Variants in CD207 observed in about 807,000 individuals in gnomAD.
The protein encoded by CD207 is CD207 molecule, also known as C-type lectin domain family 4 member K.
CD207 carries 28 observed loss-of-function variants against 31.6 expected under a neutral mutation model. The ratio of observed to expected loss-of-function variants is 0.89; its 90% confidence interval spans 0.66 to 1.21. CD207 has a LOEUF of 1.21. CD207 is among the 50% of genes most tolerant of loss of function. CD207 has a pLI of 0.00. For synonymous variants in CD207, 168 were observed against 153.9 expected (o/e 1.09, Z -0.68); for missense variants, 388 against 397.8 (o/e 0.98, Z 0.21).
At chr2:70,829,596 A>G (rs1553399339), downstream of CD207, among the ~76,000 whole-genome samples, 3 of 152,200 alleles carry the variant, frequency 2.0e-5, no homozygotes, top group Admixed American at 1.3e-4. Context: ...GGGCAAGGAT[A>G]TATCTGGTGA....
rs1376674859 is a variant in CD207, at chr2:70,830,739, G to C, written c.*311C>G. On this transcript the variant is annotated 3_prime_UTR_variant, in exon 6 of 6. Transcript: ENST00000410009. Reference sequence around the variant, plus strand: ...TGATGAAGCTGAGGTTTCTCTGAAAGAGTGGAAAACCCCAGGGTGTTATGC... The same window carrying C: ...TGATGAAGCTGAGGTTTCTCTGAAACAGTGGAAAACCCCAGGGTGTTATGC... 2 of 233,100 alleles carry C rather than the reference G, an allele frequency of 8.6e-6. No homozygotes were observed. Among genetic ancestry groups the C allele is most frequent in the African/African-American group, 4.5e-5 (2 of 44,660 alleles). 14.4% of individuals were successfully genotyped at this position (233,100 alleles called of 1,614,324 possible).
In CD207 at chr2:70,835,550, G is replaced by T. The variant is rs782508063; in HGVS notation, c.131C>A (p.Ala44Asp). Reference protein sequence around the residue: ...LVPGKTPTVRAALICLTLVLV... With the variant: ...LVPGKTPTVRDALICLTLVLV... The stretch of plus-strand genomic sequence containing the variant: ...GACCAGCGTCAGGCAGATTAATGCA[G>T]CACGGACTGTGGGTGTTTTCCCCGG... Residue 44 changes from alanine to aspartate, a missense_variant, in exon 2 of 6, where the codon GCT becomes GAT. Ala to Asp is a moderately radical substitution (Grantham distance 126, BLOSUM62 -2). Transcript: ENST00000410009. The T allele has an allele frequency of 3.1e-6, 5 of 1,614,038 alleles. No individual in the cohort carries two copies. Among genetic ancestry groups the T allele is most frequent in the Non-Finnish European group, 4.2e-6 (5 of 1,179,894 alleles).
At chr2:70,825,658 A>C (rs62152602), downstream of CD207, among the ~76,000 whole-genome samples, 141,620 of 152,184 alleles carry the variant, frequency 0.93, 66,129 homozygotes, top group Non-Finnish European at 0.97. Flanking sequence ...CCCACCTCAG[A>C]CTCTTGATTT....
chr2:70,824,295 T>C, the CD207 span, among the ~76,000 whole-genome samples: 3 of 71,122 alleles, frequency 4.2e-5, no homozygotes, highest in Admixed American at 4.2e-4. Context: ...CCACCTGGCT[T>C]TTATTCCGTT....
At position 70,834,047 on chromosome 2, in the gene CD207, G is replaced by C. The variant is rs1169758785; in HGVS notation, c.191-27C>G. The stretch of plus-strand genomic sequence containing the variant: ...TGGGATTGAGAAAGTCAGGAGGTCA[G>C]CTGAGGGGAGTCCCAGGGACAGGAG... On this transcript the variant is annotated intron_variant, in intron 2 of 5. Coordinates refer to ENST00000410009, the MANE Select transcript of CD207 (RefSeq NM_015717.5). 4 of 1,494,408 alleles carry C rather than the reference G, an allele frequency of 2.7e-6. No individual in the cohort carries two copies. The African/African-American group carries it at 5.6e-5, about 21-fold the overall frequency. 92.6% of individuals were successfully genotyped at this position (1,494,408 alleles called of 1,614,324 possible).
At position 70,831,155 on chromosome 2, in the gene CD207, G is replaced by A. The variant is rs1393933559; in HGVS notation, c.882C>T (p.His294=). The stretch of plus-strand genomic sequence containing the variant: ...GTGAGGGAGCCTTTATATTGCCACA[G>A]TGTTCATTGTTCCCAGCATTGTTGG... ...GEPNNAGNNE[H]CGNIKAPSLQ... Residue 294 remains histidine, a synonymous_variant, in exon 6 of 6, where the codon CAC becomes CAT. Transcript: ENST00000410009. 1.2e-6 allele frequency: 2 copies of A among 1,613,846 alleles called. No individual in the cohort carries two copies. Among genetic ancestry groups the A allele is most frequent in the Non-Finnish European group, 8.5e-7 (1 of 1,179,770 alleles).
At chr2:70,832,150 C>T (rs1298432028) in intron 4 of CD207, among the ~76,000 whole-genome samples, 1 of 152,224 alleles carries the variant, frequency 6.6e-6, no homozygotes, top group Non-Finnish European at 1.5e-5. Flanking sequence ...TAAATGAGCC[C>T]TGAATCCACA....
At chr2:70,824,386 C>CA in the CD207 span, among the ~76,000 whole-genome samples, 2 of 151,156 alleles carry the variant, frequency 1.3e-5, no homozygotes, top group South Asian at 2.1e-4. Context: ...ATGATCTTTT[C>CA]AAAAAAAATT....
chr2:70,830,955 G>T lies in CD207; in HGVS notation c.*95C>A, dbSNP rs116070623. The stretch of plus-strand genomic sequence containing the variant: ...CAATTTTGAAGCAAGAAAAATTAAC[G>T]TGCAAAGTCATCCTGGAGTCTGGGG... On this transcript the variant is annotated 3_prime_UTR_variant, in exon 6 of 6. Transcript: ENST00000410009. The T allele has an allele frequency of 1.2e-3, 1,409 of 1,201,214 alleles. 15 individuals carry two copies. The African/African-American group carries it at 0.019, about 16-fold the overall frequency. The allele number at this position is 1,201,214 out of a possible 1,614,324, so 74.4% of individuals were successfully genotyped here.
At position 70,831,802 on chromosome 2, in the gene CD207, T is replaced by C. The variant is rs2104700371; in HGVS notation, c.735A>G (p.Thr245=). ...SESEQEFLYK[T]AGGLIYWIGL... Reference sequence around the variant, plus strand: ...CAATCCAGTAGATGAGTCCCCCCGCTGTTTTATACAGAAACTCCTGTAGGA... The same window carrying C: ...CAATCCAGTAGATGAGTCCCCCCGCCGTTTTATACAGAAACTCCTGTAGGA... Residue 245 remains threonine, a synonymous_variant, in exon 5 of 6, where the codon ACA becomes ACG. Transcript: ENST00000410009. 8 of 1,609,938 alleles carry C rather than the reference T, an allele frequency of 5.0e-6. No homozygotes were observed. Among genetic ancestry groups the C allele is most frequent in the Non-Finnish European group, 6.0e-6 (7 of 1,176,296 alleles).
intron 2 of CD207, among the ~76,000 whole-genome samples, chr2:70,834,284 A>G (rs1314578354): frequency 1.3e-5 from 2 of 152,110 alleles, no homozygotes; most frequent in Admixed American, 1.3e-4. Flanking sequence ...AAGATTTCAC[A>G]GGCAAGCAGA....
chr2:70,828,453 G>T (rs1294639623), downstream of CD207, among the ~76,000 whole-genome samples: 1 of 152,202 alleles, frequency 6.6e-6, no homozygotes, highest in Non-Finnish European at 1.5e-5. Context: ...ACTGACTCAG[G>T]CTCTTTCAGT....
downstream of CD207, among the ~76,000 whole-genome samples, chr2:70,828,074 T>A (rs1301452284): frequency 1.3e-5 from 2 of 152,216 alleles, no homozygotes; most frequent in Non-Finnish European, 2.9e-5. Flanking sequence ...AGTTCTCACC[T>A]GTCCCTGGCT....
intron 4 of CD207, among the ~76,000 whole-genome samples, chr2:70,832,179 C>T (rs1004539733): frequency 5.3e-5 from 8 of 152,206 alleles, no homozygotes; most frequent in African/African-American, 1.9e-4. Flanking sequence ...TGTGCTGAGT[C>T]GTCCATATGC....
At position 70,831,753 on chromosome 2, in the gene CD207, C is replaced by T. The variant is rs782269673; in HGVS notation, c.784G>A (p.Gly262Arg). The change falls in exon 5 of 6, where the codon GGG (glycine) becomes AGG (arginine). Residue 262 changes from glycine to arginine, a missense_variant. Transcript: ENST00000410009. ...GTGTCATCCACCCAGGACCAGTCCC[C>T]TTCCATCCCTGCTTTAGTCAGGCCA... ...WIGLTKAGME[G>R]DWSWVDDTPF... is the part of the protein sequence containing the mutation. The T allele has an allele frequency of 6.2e-6, 10 of 1,613,736 alleles. No individual in the cohort carries two copies. The African/African-American group carries it at 1.3e-4, about 22-fold the overall frequency.
downstream of CD207, among the ~76,000 whole-genome samples, chr2:70,826,813 G>A (rs191690990): frequency 1.2e-3 from 186 of 152,332 alleles, no homozygotes; most frequent in African/African-American, 4.2e-3. Flanking sequence ...GTTTTCCAGT[G>A]ACATAATTCT....
chr2:70,828,239 G>T (rs570344650), downstream of CD207, among the ~76,000 whole-genome samples: 4 of 152,308 alleles, frequency 2.6e-5, no homozygotes, highest in African/African-American at 9.6e-5. Context: ...TCCTGGGCGA[G>T]GCCACACTGC....
At chr2:70,834,139 C>G (rs929382255) in intron 2 of CD207, 119 bp from the exon 3 acceptor site, 10 of 909,870 alleles carry the variant, frequency 1.1e-5, no homozygotes. Context: ...AGAACCAAGA[C>G]AGTCCAATGG....
Position 70,835,810 on chromosome 2 carries a change from T to TG in CD207, c.-35dup. 6.5e-7 allele frequency: 1 copy of TG among 1,539,768 alleles called. No homozygotes were observed. On this transcript the variant is annotated 5_prime_UTR_variant, in exon 1 of 6. Transcript: ENST00000410009. ...CTCACCCTTATCCTGGGAGCACAGG[T>TG]GCTTCTGGCTGCCTGTCTCTCCAAG...
Sources: gnomAD v4.1 joint callset for allele counts (sites outside exome capture counted in the v4.1 genomes callset) on GRCh38, gnomAD v4.1.1 for gene constraint, MANE v1.5 for transcripts, NCBI Gene and HGNC (gene_info 2026-07-23, HGNC 2026-07-21) for gene names.